RBM47: variants seen among roughly 807,000 people sequenced by gnomAD.
The protein encoded by RBM47 is RNA-binding protein 47.
A neutral mutation model predicts 47.1 loss-of-function variants in RBM47; 21 were observed. That is an observed-to-expected ratio of 0.45 (90% CI 0.32 to 0.64). The LOEUF (loss-of-function observed/expected upper bound fraction) is 0.64. Among genes scored for constraint, RBM47 ranks in the 30% least tolerant of loss-of-function variants. The pLI is 0.05. For synonymous variants in RBM47, 375 were observed against 361.7 expected (o/e 1.04, Z -0.42); for missense variants, 708 against 870.9 (o/e 0.81, Z 2.35).
chr4:40,557,431 C>A (rs545483323), intron 1 of RBM47, among the ~76,000 whole-genome samples: 1 of 152,286 alleles, frequency 6.6e-6, no homozygotes, highest in East Asian at 1.9e-4. Flanking sequence ...ATAGCACCTG[C>A]CACATCCTAG....
chr4:40,589,518 C>T (rs943264436), intron 1 of RBM47, among the ~76,000 whole-genome samples: 4 of 152,086 alleles, frequency 2.6e-5, no homozygotes, highest in African/African-American at 7.2e-5. Context: ...CTCACTGCAA[C>T]CTCCACCTCC....
chr4:40,589,034 C>T (rs76066114), intron 1 of RBM47, among the ~76,000 whole-genome samples: 25,799 of 122,656 alleles, frequency 0.21, 2,563 homozygotes, highest in Middle Eastern at 0.32. Flanking sequence ...AGTGCAGTGG[C>T]GTGATCTCGG....
intron 1 of RBM47, among the ~76,000 whole-genome samples, chr4:40,598,743 A>G (rs891692162): frequency 6.6e-6 from 1 of 151,774 alleles, no homozygotes; most frequent in Non-Finnish European, 1.5e-5. Context: ...AAATCCTTTG[A>G]TTTAGGGTTT....
chr4:40,562,345 G>T (rs1359019208), intron 1 of RBM47, among the ~76,000 whole-genome samples: 3 of 152,050 alleles, frequency 2.0e-5, no homozygotes. Flanking sequence ...AGGGACTTCA[G>T]AAGGCTTCCG....
intron 3 of RBM47, among the ~76,000 whole-genome samples, chr4:40,456,323 A>C (rs1716234686): frequency 6.6e-6 from 1 of 152,208 alleles, no homozygotes; most frequent in African/African-American, 2.4e-5. Context: ...CCAGAAGTTG[A>C]ATATATGAAC....
At chr4:40,430,953 G>A (rs1267557353) in intron 6 of RBM47, among the ~76,000 whole-genome samples, 2 of 152,016 alleles carry the variant, frequency 1.3e-5, no homozygotes, top group Admixed American at 1.3e-4. Context: ...GCATGGTGGT[G>A]CGTGTTTGTG....
intron 2 of RBM47, among the ~76,000 whole-genome samples, chr4:40,536,719 T>G (rs77066581): frequency 0.024 from 2,494 of 103,214 alleles, 68 homozygotes; most frequent in African/African-American, 0.099. Flanking sequence ...GTGTGTGTGT[T>G]TTTGTTTTTT....
At chr4:40,492,525 G>A (rs145164330) in intron 2 of RBM47, among the ~76,000 whole-genome samples, 2 of 152,248 alleles carry the variant, frequency 1.3e-5, no homozygotes, top group East Asian at 1.9e-4. Flanking sequence ...AAGGAACAAA[G>A]CTCAGGCATG....
In RBM47 at chr4:40,497,942, GATC is replaced by G. The variant is rs1722831118; in HGVS notation, c.-154-31246_-154-31244del. On this transcript the variant is annotated intron_variant, in intron 2 of 6. Transcript: ENST00000295971. ...GCAGGTCAAGGTTTCAGGGGGCCAT[GATC>G]ACACCACTGCCCTCCAGCCTGGATG... is the stretch of plus-strand genomic sequence containing the variant. Among the ~76,000 whole-genome samples the G allele has an allele frequency of 2.0e-5, 3 of 150,800 alleles. No individual in the cohort carries two copies. The South Asian group carries it at 6.2e-4, about 31-fold the overall frequency.
At chr4:40,519,656 C>T (rs1287009594) in intron 2 of RBM47, among the ~76,000 whole-genome samples, 6 of 132,380 alleles carry the variant, frequency 4.5e-5, no homozygotes, top group African/African-American at 9.2e-5. Context: ...CTACCCTACC[C>T]TCCTTTTTTT....
intron 2 of RBM47, among the ~76,000 whole-genome samples, chr4:40,530,977 G>A (rs908425703): frequency 6.6e-6 from 1 of 152,128 alleles, no homozygotes; most frequent in East Asian, 1.9e-4. Context: ...GTGCATGCGT[G>A]TAGTCCCAGC....
intron 3 of RBM47, among the ~76,000 whole-genome samples, chr4:40,442,439 C>T (rs1019600069): frequency 6.6e-6 from 1 of 152,254 alleles, no homozygotes; most frequent in East Asian, 1.9e-4. Flanking sequence ...TAAAATGGTA[C>T]AGCCGCTGTA....
intron 1 of RBM47, among the ~76,000 whole-genome samples, chr4:40,601,083 C>T (rs773216665): frequency 1.3e-5 from 2 of 151,334 alleles, no homozygotes; most frequent in African/African-American, 2.4e-5. Flanking sequence ...GATGATGTAA[C>T]CATCACCGTA....
chr4:40,597,133 G>A (rs375918626), intron 1 of RBM47, among the ~76,000 whole-genome samples: 143 of 152,140 alleles, frequency 9.4e-4, no homozygotes, highest in African/African-American at 3.2e-3. Context: ...GGTGGCACGC[G>A]CCTGTAGTCC....
At chr4:40,555,308 C>G (rs1450086304) in intron 1 of RBM47, among the ~76,000 whole-genome samples, 1 of 152,182 alleles carries the variant, frequency 6.6e-6, no homozygotes, top group East Asian at 1.9e-4. Context: ...CTCAAGTAAT[C>G]CGTCCATCTC....
chr4:40,494,321 T>G (rs753044202), intron 2 of RBM47, among the ~76,000 whole-genome samples: 7 of 152,226 alleles, frequency 4.6e-5, no homozygotes, highest in Non-Finnish European at 1.0e-4. Context: ...ATCAGACCTT[T>G]CCTGCACTTC....
intron 1 of RBM47, among the ~76,000 whole-genome samples, chr4:40,550,922 T>TTCCTTATG (rs888651364): frequency 2.0e-5 from 3 of 151,814 alleles, no homozygotes; most frequent in African/African-American, 7.3e-5. Flanking sequence ...AAAAAAAAAC[T>TTCCTTATG]TCCTTATGCA....
intron 1 of RBM47, among the ~76,000 whole-genome samples, chr4:40,553,945 C>T (rs1405683818): frequency 6.6e-6 from 1 of 152,140 alleles, no homozygotes; most frequent in Non-Finnish European, 1.5e-5. Context: ...TAAGATGAGC[C>T]AGCCAGCCCT....
intron 2 of RBM47, among the ~76,000 whole-genome samples, chr4:40,509,817 A>G (rs1724675046): frequency 6.6e-6 from 1 of 151,496 alleles, no homozygotes; most frequent in Admixed American, 6.6e-5. Context: ...CGGGAGGCGG[A>G]GCTTGCAGTG....
Sources: allele counts gnomAD v4.1 joint callset (sites outside exome capture counted in the v4.1 genomes callset), GRCh38; gene constraint gnomAD v4.1.1; transcripts MANE v1.5; gene names NCBI Gene and HGNC (gene_info 2026-07-23, HGNC 2026-07-21).